TENM3: variants seen among roughly 807,000 people sequenced by gnomAD.
The protein encoded by TENM3 is teneurin-3.
TENM3 carries 63 observed loss-of-function variants against 255.1 expected under a neutral mutation model. That is an observed-to-expected ratio of 0.25 (90% CI 0.20 to 0.30). TENM3 has a LOEUF of 0.30. Among genes scored for constraint, TENM3 ranks in the 10% least tolerant of loss-of-function variants. The pLI, the probability that TENM3 is intolerant of heterozygous loss-of-function variation, is 1.00. For missense variants in TENM3, 2,929 were observed against 3,461.1 expected (o/e 0.85, Z 3.86); for synonymous variants, 1,306 against 1,322.3 (o/e 0.99, Z 0.27).
intron 3 of TENM3, among the ~76,000 whole-genome samples, chr4:182,506,040 A>G (rs1736783497): frequency 6.6e-6 from 1 of 152,334 alleles, no homozygotes; most frequent in African/African-American, 2.4e-5. Flanking sequence ...GATGATTGCA[A>G]ATAAAGATAA....
the TENM3 span, among the ~76,000 whole-genome samples, chr4:181,464,360 G>A: frequency 3.3e-5 from 5 of 152,142 alleles, no homozygotes; most frequent in Non-Finnish European, 7.4e-5. Context: ...GGTATGTAGT[G>A]GTGTCTCATT....
chr4:182,722,829 C>G lies in TENM3; in HGVS notation c.2369-6136C>G, dbSNP rs372941652. Among the ~76,000 whole-genome samples, 5 of 152,102 alleles carry G rather than the reference C, an allele frequency of 3.3e-5. No individual in the cohort carries two copies. The East Asian group carries it at 7.7e-4, about 24-fold the overall frequency. ...ACCATGGTGGCCTGATGGATAGTTT[C>G]AGGGAAAGAGAAAGAAATAGACTAA... is the stretch of plus-strand genomic sequence containing the variant. On this transcript the variant is annotated intron_variant, in intron 13 of 27. Transcript: ENST00000511685.
At chr4:181,461,968 A>T in the TENM3 span, among the ~76,000 whole-genome samples, 68 of 152,084 alleles carry the variant, frequency 4.5e-4, no homozygotes, top group African/African-American at 1.6e-3. Context: ...TGGATTCTGG[A>T]CTCTGTTGTA....
At chr4:181,900,936 C>T in the TENM3 span, among the ~76,000 whole-genome samples, 1 of 152,208 alleles carries the variant, frequency 6.6e-6, no homozygotes, top group Non-Finnish European at 1.5e-5. Flanking sequence ...CCCACATGTG[C>T]ACACACTCTC....
intron 22 of TENM3, 44 bp downstream of exon 22, chr4:182,755,303 A>G: frequency 1.8e-5 from 25 of 1,377,274 alleles, no homozygotes; most frequent in Non-Finnish European, 2.1e-5. Context: ...ATACTGTGAT[A>G]TAATAATATC....
In TENM3 at chr4:182,792,990, T is replaced by C. The variant is rs767696881; in HGVS notation, c.6318T>C (p.Tyr2106=). 3 of 1,613,932 alleles carry C rather than the reference T, an allele frequency of 1.9e-6. No individual in the cohort carries two copies. The highest frequency in any genetic ancestry group is 1.6e-4 in the Middle Eastern group (1 of 6,062). Residue 2106 remains tyrosine, a synonymous_variant, in exon 26 of 28, where the codon TAT becomes TAC. Transcript: ENST00000511685. The surrounding 1 kb of genome is among the most constrained non-coding windows in gnomAD (Gnocchi z 6.3). ...RSLMYWITIQ[Y]DNMGRVTKRE... ...TCATGTACTGGATTACAATTCAGTA[T>C]GATAACATGGGTCGGGTAACCAAGA... is the stretch of plus-strand genomic sequence containing the variant.
At chr4:182,181,826 A>C (rs184567589) in intron 1 of TENM3, among the ~76,000 whole-genome samples, 3 of 152,148 alleles carry the variant, frequency 2.0e-5, no homozygotes, top group African/African-American at 7.2e-5. Flanking sequence ...CTGCATAATC[A>C]ATCACTGATA....
At chr4:182,539,326 T>C (rs6552569) in intron 3 of TENM3, among the ~76,000 whole-genome samples, 72,432 of 151,424 alleles carry the variant, frequency 0.48, 17,506 homozygotes, top group East Asian at 0.55. Context: ...CTCTGCTTGA[T>C]TCATTTACGT....
At chr4:181,952,394 C>T in the TENM3 span, among the ~76,000 whole-genome samples, 1 of 152,210 alleles carries the variant, frequency 6.6e-6, no homozygotes, top group African/African-American at 2.4e-5. Flanking sequence ...AGTCTTCTAC[C>T]TGTCTGCCGC....
chr4:181,850,642 T>G, the TENM3 span, among the ~76,000 whole-genome samples: 1 of 152,210 alleles, frequency 6.6e-6, no homozygotes, highest in Non-Finnish European at 1.5e-5. Context: ...ACATATATTC[T>G]CCTTACGTGT....
the TENM3 span, among the ~76,000 whole-genome samples, chr4:181,895,438 G>A: frequency 6.6e-6 from 1 of 151,280 alleles, no homozygotes; most frequent in Non-Finnish European, 1.5e-5. Context: ...GTTACACAGC[G>A]GTTCTAAGCA....
chr4:182,523,651 G>A (rs181276904), intron 3 of TENM3, among the ~76,000 whole-genome samples: 62 of 152,192 alleles, frequency 4.1e-4, no homozygotes, highest in Non-Finnish European at 7.5e-4. Context: ...TCCCCAAGAA[G>A]AAGCTCTGGG....
chr4:181,453,627 C>G, the TENM3 span, among the ~76,000 whole-genome samples: 8 of 152,062 alleles, frequency 5.3e-5, no homozygotes, highest in African/African-American at 1.7e-4. Context: ...CCCTGCCCAC[C>G]CAAAGACGAT....
the TENM3 span, among the ~76,000 whole-genome samples, chr4:181,499,270 C>T: frequency 6.6e-6 from 1 of 152,194 alleles, no homozygotes; most frequent in Admixed American, 6.5e-5. Context: ...TGAGTTTCCT[C>T]AGACTTCTCT....
At chr4:181,480,061 G>A in the TENM3 span, among the ~76,000 whole-genome samples, 1 of 152,050 alleles carries the variant, frequency 6.6e-6, no homozygotes, top group Non-Finnish European at 1.5e-5. Flanking sequence ...TTAATTGATA[G>A]CTAATTCCAA....
At chr4:181,456,100 T>A in the TENM3 span, among the ~76,000 whole-genome samples, 1 of 111,200 alleles carries the variant, frequency 9.0e-6, no homozygotes, top group South Asian at 2.8e-4. Flanking sequence ...AATATATGTG[T>A]GTGTGTGTGT....
At chr4:182,213,859 T>C (rs938996969) in intron 1 of TENM3, among the ~76,000 whole-genome samples, 1 of 152,148 alleles carries the variant, frequency 6.6e-6, no homozygotes, top group Non-Finnish European at 1.5e-5. Context: ...TGGAGTGCAG[T>C]GGCGCGATCT....
the TENM3 span, among the ~76,000 whole-genome samples, chr4:182,032,525 ATC>A: frequency 2.6e-5 from 4 of 152,136 alleles, no homozygotes; most frequent in African/African-American, 9.6e-5. Context: ...TTGTTGATGT[ATC>A]TCTGTCAGGT....
chr4:181,645,073 A>C, the TENM3 span, among the ~76,000 whole-genome samples: 2 of 152,214 alleles, frequency 1.3e-5, no homozygotes, highest in Non-Finnish European at 2.9e-5. Flanking sequence ...AGTGTTTTCC[A>C]AAAATTGGTG....
Sources: allele counts gnomAD v4.1 joint callset (sites outside exome capture counted in the v4.1 genomes callset), GRCh38; gene constraint gnomAD v4.1.1; non-coding constraint Gnocchi (gnomAD v3.1); transcripts MANE v1.5; gene names NCBI Gene and HGNC (gene_info 2026-07-23, HGNC 2026-07-21).